DSCAM: variants seen among roughly 807,000 people sequenced by gnomAD.
The protein encoded by DSCAM is DS cell adhesion molecule.
DSCAM carries 47 observed loss-of-function variants against 217.7 expected under a neutral mutation model. The observed-to-expected ratio is 0.22, with a 90% CI of 0.17 to 0.28. The LOEUF is 0.28. DSCAM is among the 10% of genes least tolerant of loss of function. The probability of loss-of-function intolerance (pLI) is 1.00; values close to 1 mark genes in which losing one functional copy is unlikely to be tolerated. For synonymous variants in DSCAM, 1,056 were observed against 1,015.3 expected (o/e 1.04, Z -0.76); for missense variants, 2,080 against 2,618.3 (o/e 0.79, Z 4.49).
intron 3 of DSCAM, among the ~76,000 whole-genome samples, chr21:40,415,154 A>C (rs913541476): frequency 2.0e-5 from 3 of 152,238 alleles, no homozygotes; most frequent in Admixed American, 2.0e-4. Flanking sequence ...CAAATTAAAG[A>C]TTATCATCAA....
At chr21:40,094,181 A>G (rs1445544661) in intron 20 of DSCAM, among the ~76,000 whole-genome samples, 3 of 152,156 alleles carry the variant, frequency 2.0e-5, no homozygotes, top group African/African-American at 4.8e-5. Context: ...CCCACCTGAA[A>G]CAACTGAGGA....
At chr21:40,595,440 A>AAAAAG (rs1158643311) in intron 3 of DSCAM, among the ~76,000 whole-genome samples, 4 of 152,110 alleles carry the variant, frequency 2.6e-5, no homozygotes, top group Admixed American at 1.3e-4. Context: ...AGAGAAGAGA[A>AAAAAG]AAAAGAAAAG....
In DSCAM at chr21:40,276,185, G is replaced by T. The variant is rs369438004; in HGVS notation, c.2268C>A (p.Val756=). Residue 756 remains valine, a synonymous_variant, in exon 11 of 33, where the codon GTC becomes GTA. Coordinates refer to ENST00000400454, the MANE Select transcript of DSCAM (RefSeq NM_001389.5). ...LSNGSLLIKH[V]VEEDSGYYLC... is the part of the protein sequence containing the mutation. ...GGTAGTAGCCACTGTCTTCCTCCACGACATGCTTGATCAGCAACGACCCAT... is the reference window on the plus strand; with the variant it reads ...GGTAGTAGCCACTGTCTTCCTCCACTACATGCTTGATCAGCAACGACCCAT... 10 of 1,613,314 alleles carry T rather than the reference G, an allele frequency of 6.2e-6. No individual in the cohort carries two copies. The highest frequency in any genetic ancestry group is 8.5e-6 in the Non-Finnish European group (10 of 1,179,586).
rs1569071442 is a variant in DSCAM, at chr21:40,338,081, A to G, written c.1783+20T>C. The G allele has an allele frequency of 6.2e-7, 1 of 1,610,536 alleles. No homozygotes were observed. The highest frequency in any genetic ancestry group is 2.2e-5 in the East Asian group (1 of 44,862). ...GGGCTATGGAATGAGTTGTGTGGGA[A>G]CCAGGAGAACAGGGCTTACCTTTCA... On this transcript the variant is annotated intron_variant, in intron 8 of 32. Coordinates refer to ENST00000400454, the MANE Select transcript of DSCAM (RefSeq NM_001389.5).
At chr21:40,631,723 C>A (rs73368982) in intron 3 of DSCAM, among the ~76,000 whole-genome samples, 11,124 of 152,208 alleles carry the variant, frequency 0.073, 460 homozygotes, top group Middle Eastern at 0.099. Flanking sequence ...CTGGGAGGGC[C>A]AAAGAAGTCA....
Position 40,361,893 on chromosome 21 carries a change from A to G in DSCAM, c.655+7206T>C, listed in dbSNP as rs187742360. Among the ~76,000 whole-genome samples, 10 of 152,314 alleles carry G rather than the reference A, an allele frequency of 6.6e-5. No homozygotes were observed. In the East Asian group the frequency reaches 1.9e-3, roughly 29 times the overall value. On this transcript the variant is annotated intron_variant, in intron 4 of 32. Transcript: ENST00000400454. ...ACATCTCTTGAGTGTTTCTTAATGC[A>G]GAGCTAGCCCTCCTCCTTTCTCCCA...
chr21:40,662,834 A>G (rs893436576), intron 3 of DSCAM, among the ~76,000 whole-genome samples: 1 of 152,186 alleles, frequency 6.6e-6, no homozygotes, highest in Non-Finnish European at 1.5e-5. Flanking sequence ...TCCAGCCTCC[A>G]GAGCCATGAG....
At chr21:40,559,682 G>C (rs981988760) in intron 3 of DSCAM, among the ~76,000 whole-genome samples, 5 of 151,448 alleles carry the variant, frequency 3.3e-5, no homozygotes, top group Non-Finnish European at 7.4e-5. Context: ...TCATATAGAA[G>C]TCAGCTTATT....
rs1368212101 is a variant in DSCAM at position 40,012,427 on chromosome 21, C to G, written c.*607G>C. On this transcript the variant is annotated 3_prime_UTR_variant, in exon 33 of 33. Transcript: ENST00000400454. ...AGACATGGAAATAAAGGCAGACAACCTTTTCTTTTTTATTTCGCTTAGACA... is the reference window on the plus strand; with the variant it reads ...AGACATGGAAATAAAGGCAGACAACGTTTTCTTTTTTATTTCGCTTAGACA... 6.6e-6 allele frequency: 1 copy of G among 152,184 alleles called. No individual in the cohort carries two copies. The highest frequency in any genetic ancestry group is 6.5e-5 in the Admixed American group (1 of 15,268). 9.4% of individuals were successfully genotyped at this position (152,184 alleles called of 1,614,324 possible).
At position 40,328,133 on chromosome 21, in the gene DSCAM, G is replaced by GA. The variant is rs199742263; in HGVS notation, c.1783+9967dup. ...ACCAATGACATTTTTCACAGAAATAGAAAAAAAAATCCTAAAATTCCAATA... is the reference window on the plus strand; with the variant it reads ...ACCAATGACATTTTTCACAGAAATAGAAAAAAAAAATCCTAAAATTCCAATA... On this transcript the variant is annotated intron_variant, in intron 8 of 32. Coordinates refer to ENST00000400454, the MANE Select transcript of DSCAM (RefSeq NM_001389.5). 3.2e-3 allele frequency among the ~76,000 whole-genome samples: 478 copies of GA among 150,708 alleles called. 2 individuals carry two copies. Among genetic ancestry groups the GA allele is most frequent in the African/African-American group, 0.01 (413 of 41,094 alleles).
At chr21:40,391,229 G>C (rs2075131079) in intron 3 of DSCAM, among the ~76,000 whole-genome samples, 1 of 152,206 alleles carries the variant, frequency 6.6e-6, no homozygotes, top group Non-Finnish European at 1.5e-5. Context: ...CTGTTAGAAT[G>C]AGCAGCAATG....
intron 3 of DSCAM, among the ~76,000 whole-genome samples, chr21:40,650,120 CT>C (rs1031024521): frequency 6.6e-5 from 10 of 151,616 alleles, no homozygotes; most frequent in Non-Finnish European, 4.4e-5. Context: ...CTGACGGGGA[CT>C]TTTTTTTTCT....
At chr21:40,706,463 A>T (rs1205664673) in intron 2 of DSCAM, among the ~76,000 whole-genome samples, 1 of 152,234 alleles carries the variant, frequency 6.6e-6, no homozygotes, top group Non-Finnish European at 1.5e-5. Context: ...ACCTAGGTCA[A>T]AATTTCTGAA....
In DSCAM at chr21:40,196,799, T is replaced by C. The variant is rs73364160; in HGVS notation, c.2357-7561A>G. Among the ~76,000 whole-genome samples, 1,315 of 152,282 alleles carry C rather than the reference T, an allele frequency of 8.6e-3. 16 individuals are homozygous for C. The highest frequency in any genetic ancestry group is 0.031 in the African/African-American group (1,276 of 41,564). Reference sequence around the variant, plus strand: ...TGACTGTGTGCTAAGAACTTTTCCATATACTGCATAAGTATTTCAGCCATA... The same window carrying C: ...TGACTGTGTGCTAAGAACTTTTCCACATACTGCATAAGTATTTCAGCCATA... On this transcript the variant is annotated intron_variant, in intron 11 of 32. Coordinates refer to ENST00000400454, the MANE Select transcript of DSCAM (RefSeq NM_001389.5).
chr21:40,396,252 C>G (rs73359117), intron 3 of DSCAM, among the ~76,000 whole-genome samples: 2,596 of 152,242 alleles, frequency 0.017, 64 homozygotes, highest in African/African-American at 0.058. Context: ...AAATGCCATG[C>G]AATTGCACAA....
chr21:40,450,416 T>C (rs1228380544), intron 3 of DSCAM, among the ~76,000 whole-genome samples: 1 of 152,116 alleles, frequency 6.6e-6, no homozygotes, highest in East Asian at 1.9e-4. Flanking sequence ...ATTAATTCAT[T>C]CACAACTACA....
intron 3 of DSCAM, among the ~76,000 whole-genome samples, chr21:40,532,413 C>G (rs1354476819): frequency 6.6e-6 from 1 of 152,076 alleles, no homozygotes; most frequent in Non-Finnish European, 1.5e-5. Flanking sequence ...ACTGAATGAG[C>G]AGACAACATG....
chr21:40,578,043 C>G (rs73902686), intron 3 of DSCAM, among the ~76,000 whole-genome samples: 3,399 of 152,182 alleles, frequency 0.022, 111 homozygotes, highest in African/African-American at 0.078. Flanking sequence ...AGCCTAAAAA[C>G]AGAGTTAGTA....
chr21:40,158,600 G>A (rs1325944133), intron 16 of DSCAM, among the ~76,000 whole-genome samples: 1 of 152,086 alleles, frequency 6.6e-6, no homozygotes, highest in Non-Finnish European at 1.5e-5. Flanking sequence ...GCCCACGGGA[G>A]CAACACAGGC....
Sources: allele counts gnomAD v4.1 joint callset (sites outside exome capture counted in the v4.1 genomes callset), GRCh38; gene constraint gnomAD v4.1.1; transcripts MANE v1.5; gene names NCBI Gene and HGNC (gene_info 2026-07-23, HGNC 2026-07-21).